PCNX1: variants seen among roughly 807,000 people sequenced by gnomAD.
The protein encoded by PCNX1 is pecanex 1.
Under a neutral mutation model 242.2 loss-of-function variants are expected in PCNX1, and 78 were observed. That is an observed-to-expected ratio of 0.32 (90% CI 0.27 to 0.39). PCNX1 has a LOEUF of 0.39. Ranked by LOEUF, PCNX1 falls within the 10% of genes least tolerant of loss-of-function variation. PCNX1 has a pLI of 1.00. For synonymous variants in PCNX1, 1,024 were observed against 1,032.9 expected (o/e 0.99, Z 0.17); for missense variants, 2,581 against 2,856.5 (o/e 0.90, Z 2.20).
At chr14:71,104,059 A>G (rs2062539374) in intron 32 of PCNX1, among the ~76,000 whole-genome samples, 1 of 152,226 alleles carries the variant, frequency 6.6e-6, no homozygotes, top group African/African-American at 2.4e-5. Flanking sequence ...TTCTGTTCCA[A>G]CACTAGGGGG....
rs765106478 is a variant in PCNX1, at chr14:71,033,545, G to A, written c.3668+7G>A. On this transcript the variant is annotated splice_region_variant and intron_variant, in intron 17 of 35. Coordinates refer to ENST00000304743, the MANE Select transcript of PCNX1 (RefSeq NM_014982.3). ...GTGATCCATCTGTACTTTTGTAAGT[G>A]AACTCAATTGTTATTGAATTAAAAG... is the stretch of plus-strand genomic sequence containing the variant. The A allele has an allele frequency of 5.1e-6, 7 of 1,369,332 alleles. No individual in the cohort carries two copies. Among genetic ancestry groups the A allele is most frequent in the Non-Finnish European group, 7.2e-6 (7 of 966,858 alleles). 84.8% of individuals were successfully genotyped at this position (1,369,332 alleles called of 1,614,324 possible).
chr14:70,951,919 T>C (rs553194172), intron 2 of PCNX1, among the ~76,000 whole-genome samples: 1 of 152,338 alleles, frequency 6.6e-6, no homozygotes, highest in East Asian at 1.9e-4. Flanking sequence ...TTTAAATGGT[T>C]TCTGTACATT....
chr14:70,921,996 T>G (rs1041110275), intron 1 of PCNX1, among the ~76,000 whole-genome samples: 1 of 152,166 alleles, frequency 6.6e-6, no homozygotes, highest in Non-Finnish European at 1.5e-5. Flanking sequence ...TAACAGTCAC[T>G]GTGCTGGGAG....
intron 8 of PCNX1, among the ~76,000 whole-genome samples, chr14:71,006,262 A>C: frequency 6.6e-6 from 1 of 151,842 alleles, no homozygotes; most frequent in East Asian, 1.9e-4. Flanking sequence ...GCTGAGATTT[A>C]CTGGCATGAG....
intron 11 of PCNX1, among the ~76,000 whole-genome samples, chr14:71,015,019 G>A (rs952379099): frequency 5.9e-5 from 9 of 152,052 alleles, no homozygotes; most frequent in African/African-American, 1.7e-4. Context: ...TGGAAATAAC[G>A]AAGTGAAAAG....
intron 1 of PCNX1, among the ~76,000 whole-genome samples, chr14:70,932,003 A>T (rs2056818368): frequency 6.6e-6 from 1 of 152,196 alleles, no homozygotes. Context: ...CATACCTGTT[A>T]TCTGTCGCAG....
chr14:71,035,873 C>T (rs1271537166), intron 18 of PCNX1, among the ~76,000 whole-genome samples, 192 bp from the exon 19 acceptor site: 1 of 152,062 alleles, frequency 6.6e-6, no homozygotes, highest in Non-Finnish European at 1.5e-5. Context: ...TGTCCCACTG[C>T]ACTCCATCTT....
chr14:70,947,201 T>C (rs754767433), intron 2 of PCNX1, 78 bp downstream of exon 2: 32 of 1,088,312 alleles, frequency 2.9e-5, no homozygotes, highest in Non-Finnish European at 3.8e-5. Context: ...TATTATATTG[T>C]ACTTGTTTTC....
At chr14:71,053,527 A>G (rs998452074) in intron 24 of PCNX1, 62 of 312,874 alleles carry the variant, frequency 2.0e-4, no homozygotes, top group African/African-American at 1.3e-3. Context: ...CATGTTGACC[A>G]GGCTGGTCTT....
rs561297596 is a variant in PCNX1 at position 70,919,117 on chromosome 14, C to G, written c.153+11114C>G. The stretch of plus-strand genomic sequence containing the variant: ...CAGGCTGGTCTCAAACTCCTGGCCT[C>G]AAATGATCATTCTGCCTCAGCCTCC... On this transcript the variant is annotated intron_variant, in intron 1 of 35. Transcript: ENST00000304743. 5.6e-4 allele frequency among the ~76,000 whole-genome samples: 85 copies of G among 152,084 alleles called. 1 individual carries two copies. Among genetic ancestry groups the G allele is most frequent in the Non-Finnish European group, 9.1e-4 (62 of 67,976 alleles).
At chr14:70,984,884 A>G (rs994763759) in intron 6 of PCNX1, among the ~76,000 whole-genome samples, 9 of 152,252 alleles carry the variant, frequency 5.9e-5, no homozygotes, top group Admixed American at 1.3e-4. Flanking sequence ...CTGATAGTCT[A>G]TAATTGTAAT....
rs2057186095 is a variant in PCNX1, at chr14:70,940,351, G to C, written c.154-6564G>C. 1.3e-5 allele frequency among the ~76,000 whole-genome samples: 2 copies of C among 152,142 alleles called. 1 individual carries two copies. Among genetic ancestry groups the C allele is most frequent in the South Asian group, 4.1e-4 (2 of 4,832 alleles). On this transcript the variant is annotated intron_variant, in intron 1 of 35. Coordinates refer to ENST00000304743, the MANE Select transcript of PCNX1 (RefSeq NM_014982.3). ...TGACAAAATCTCTCAGCATTTGCTT[G>C]TCTGTAAAGGATTTTATTTCTCCTT...
intron 11 of PCNX1, among the ~76,000 whole-genome samples, chr14:71,018,711 A>G (rs1409485200): frequency 6.6e-6 from 1 of 152,228 alleles, no homozygotes; most frequent in Non-Finnish European, 1.5e-5. Context: ...CAACAAATAG[A>G]ATAGAAAAGC....
Position 71,047,089 on chromosome 14 carries a change from A to C in PCNX1, c.4144A>C (p.Lys1382Gln). ...CAGTGCAGAGACAATTGCTAGTCCA[A>C]AGAAACTGAATACAGAGTAAGTATA... ...SSSAETIASP[K>Q]KLNTELGALM... is the part of the protein sequence containing the mutation. The change falls in exon 21 of 36, where the codon AAG (lysine) becomes CAG (glutamine). Residue 1382 changes from lysine to glutamine, a missense_variant. By Grantham distance (53) the Lys-to-Gln change is moderately conservative. Coordinates refer to ENST00000304743, the MANE Select transcript of PCNX1 (RefSeq NM_014982.3). The C allele has an allele frequency of 6.2e-7, 1 of 1,603,962 alleles. No individual in the cohort carries two copies. Among genetic ancestry groups the C allele is most frequent in the South Asian group, 1.1e-5 (1 of 90,034 alleles).
chr14:70,951,434 G>T (rs1244613930), intron 2 of PCNX1, among the ~76,000 whole-genome samples: 1 of 152,076 alleles, frequency 6.6e-6, no homozygotes, highest in Non-Finnish European at 1.5e-5. Flanking sequence ...GAGTGCAGTG[G>T]TGCGATCTCG....
Position 71,011,520 on chromosome 14 carries a change from A to G in PCNX1, c.2749A>G (p.Thr917Ala). The change falls in exon 10 of 36, where the codon ACC (threonine) becomes GCC (alanine). Residue 917 changes from threonine (T) to alanine (A), a missense_variant. Transcript: ENST00000304743. ...CACAGATTCTCATGTATCCAGTTCT[A>G]CCTCAGTTCGATTTTATCCACATGA... is the stretch of plus-strand genomic sequence containing the variant. ...CDTDSHVSSS[T>A]SVRFYPHDVL... 1 of 1,574,112 alleles carries G rather than the reference A, an allele frequency of 6.4e-7. No homozygotes were observed. Among genetic ancestry groups the G allele is most frequent in the South Asian group, 1.1e-5 (1 of 89,294 alleles).
chr14:70,908,344 A>C (rs1312726268), intron 1 of PCNX1, among the ~76,000 whole-genome samples: 1 of 151,936 alleles, frequency 6.6e-6, no homozygotes, highest in South Asian at 2.1e-4. Context: ...GCTGTGTGGC[A>C]GGCGCCGAGC....
At chr14:70,943,885 G>A (rs1176781456) in intron 1 of PCNX1, among the ~76,000 whole-genome samples, 1 of 152,252 alleles carries the variant, frequency 6.6e-6, no homozygotes, top group Non-Finnish European at 1.5e-5. Flanking sequence ...TGTTGCTTCA[G>A]AGGGTGCAAG....
At chr14:70,984,740 A>G (rs915408936) in intron 6 of PCNX1, among the ~76,000 whole-genome samples, 9 of 152,000 alleles carry the variant, frequency 5.9e-5, no homozygotes, top group Non-Finnish European at 1.0e-4. Context: ...CACAGCTTCC[A>G]ATTTTTGAGA....
Sources: gnomAD v4.1 joint callset for allele counts (sites outside exome capture counted in the v4.1 genomes callset) on GRCh38, gnomAD v4.1.1 for gene constraint, MANE v1.5 for transcripts, NCBI Gene and HGNC (gene_info 2026-07-23, HGNC 2026-07-21) for gene names.